The following ARID1B variants were observed in gnomAD, a reference collection of about 807,000 sequenced individuals.
ARID1B encodes AT-rich interactive domain-containing protein 1B.
Under a neutral mutation model 212.3 loss-of-function variants are expected in ARID1B, and 30 were observed. That is an observed-to-expected ratio of 0.14 (90% CI 0.11 to 0.19). The LOEUF (loss-of-function observed/expected upper bound fraction) is 0.19. Ranked by LOEUF, ARID1B falls within the 10% of genes least tolerant of loss-of-function variation. The probability of loss-of-function intolerance (pLI) is 1.00; values close to 1 mark genes in which losing one functional copy is unlikely to be tolerated. For missense variants in ARID1B, 2,891 were observed against 3,204.0 expected (o/e 0.90, Z 2.36); for synonymous variants, 1,402 against 1,301.7 (o/e 1.08, Z -1.66).
intron 4 of ARID1B, among the ~76,000 whole-genome samples, chr6:157,038,684 T>G (rs1361430199): frequency 2.0e-5 from 3 of 152,214 alleles, no homozygotes; most frequent in Non-Finnish European, 4.4e-5. Flanking sequence ...GAATTTTTCA[T>G]TTTTTATTTA....
intron 13 of ARID1B, among the ~76,000 whole-genome samples, chr6:157,186,851 A>C (rs967450006): frequency 2.6e-5 from 4 of 152,206 alleles, no homozygotes; most frequent in Non-Finnish European, 4.4e-5. Context: ...CTGTATTCTA[A>C]GAGCACTCTA....
intron 1 of ARID1B, among the ~76,000 whole-genome samples, chr6:156,813,289 A>G (rs1174574247): frequency 8.1e-6 from 1 of 122,908 alleles, no homozygotes; most frequent in African/African-American, 3.2e-5. Context: ...TTTTTTTTGT[A>G]TTTTAGTAGA....
chr6:157,002,788 T>G (rs1389237087), intron 4 of ARID1B, among the ~76,000 whole-genome samples: 1 of 152,214 alleles, frequency 6.6e-6, no homozygotes, highest in Non-Finnish European at 1.5e-5. Context: ...TGTTACTTTA[T>G]AATTTAGTGG....
intron 8 of ARID1B, chr6:157,166,345 T>TAGGTC (rs1040065496): frequency 1.3e-5 from 2 of 152,236 alleles, no homozygotes; most frequent in African/African-American, 2.4e-5. Flanking sequence ...GACCGCCTTG[T>TAGGTC]AGGTCTGCAC....
At chr6:156,920,861 C>CT (rs375978825) in intron 3 of ARID1B, among the ~76,000 whole-genome samples, 3,480 of 144,002 alleles carry the variant, frequency 0.024, 51 homozygotes, top group African/African-American at 0.035. Flanking sequence ...CTTTTCTTTT[C>CT]TTTTTTTTTT....
intron 5 of ARID1B, among the ~76,000 whole-genome samples, chr6:157,089,841 T>C (rs559775361): frequency 1.3e-5 from 2 of 152,312 alleles, no homozygotes; most frequent in Admixed American, 6.5e-5. Context: ...ATGTGTGATA[T>C]TAGACATGAT....
chr6:156,828,463 T>C (rs535489935), intron 1 of ARID1B, among the ~76,000 whole-genome samples: 1 of 152,332 alleles, frequency 6.6e-6, no homozygotes, highest in Admixed American at 6.5e-5. Flanking sequence ...CCTTTCTACC[T>C]ATTGCTTTGT....
At chr6:156,930,819 G>C (rs760664756) in intron 3 of ARID1B, among the ~76,000 whole-genome samples, 1 of 152,190 alleles carries the variant, frequency 6.6e-6, no homozygotes, top group Non-Finnish European at 1.5e-5. Flanking sequence ...TGCTCTAGTT[G>C]TATATAAAGG....
intron 6 of ARID1B, chr6:157,110,891 T>C: frequency 2.8e-6 from 1 of 358,562 alleles, no homozygotes; most frequent in East Asian, 5.4e-5. Context: ...TCAACTAGGG[T>C]ATCAGTCCCA....
At chr6:156,980,307 A>G (rs1777525137) in intron 4 of ARID1B, among the ~76,000 whole-genome samples, 1 of 151,934 alleles carries the variant, frequency 6.6e-6, no homozygotes, top group Non-Finnish European at 1.5e-5. Flanking sequence ...ACACAATGAA[A>G]CCCCATCTCT....
At chr6:157,137,322 G>T (rs1788997969) in intron 7 of ARID1B, among the ~76,000 whole-genome samples, 1 of 152,190 alleles carries the variant, frequency 6.6e-6, no homozygotes, top group South Asian at 2.1e-4. Flanking sequence ...TATATTTTAT[G>T]AAATAGCACT....
At chr6:157,169,093 T>C (rs982186882) in intron 9 of ARID1B, 4 of 141,268 alleles carry the variant, frequency 2.8e-5, no homozygotes, top group East Asian at 3.9e-4. Context: ...CCTGTGAGCG[T>C]TGGGATGCGT....
At chr6:156,866,926 A>ATT (rs1032611705) in intron 2 of ARID1B, among the ~76,000 whole-genome samples, 5 of 152,206 alleles carry the variant, frequency 3.3e-5, no homozygotes, top group Non-Finnish European at 5.9e-5. Flanking sequence ...TTTAAGTGTG[A>ATT]TTTAGTGCAT....
intron 4 of ARID1B, among the ~76,000 whole-genome samples, chr6:157,007,952 A>G (rs1216956399): frequency 6.6e-6 from 1 of 152,186 alleles, no homozygotes; most frequent in East Asian, 1.9e-4. Flanking sequence ...CTGGGATTGC[A>G]GGCGTGAGCC....
intron 4 of ARID1B, among the ~76,000 whole-genome samples, chr6:157,062,768 A>T (rs1046521951): frequency 6.7e-6 from 1 of 149,808 alleles, no homozygotes; most frequent in East Asian, 2.0e-4. Flanking sequence ...CAATGACGCG[A>T]TCTCAGCTCA....
At chr6:157,054,384 TTAAA>T (rs1782802042) in intron 4 of ARID1B, among the ~76,000 whole-genome samples, 1 of 152,246 alleles carries the variant, frequency 6.6e-6, no homozygotes, top group Non-Finnish European at 1.5e-5. Context: ...TACTGCCCAA[TTAAA>T]TATTTGGTTT....
At chr6:156,993,285 A>T (rs1583099483) in intron 4 of ARID1B, among the ~76,000 whole-genome samples, 1 of 152,158 alleles carries the variant, frequency 6.6e-6, no homozygotes, top group South Asian at 2.1e-4. Context: ...CAGGTGATCC[A>T]CCAGCCTCAG....
At chr6:156,796,023 C>T (rs1269308369) in intron 1 of ARID1B, among the ~76,000 whole-genome samples, 2 of 151,996 alleles carry the variant, frequency 1.3e-5, no homozygotes, top group Non-Finnish European at 2.9e-5. Context: ...GAAAGCTCGG[C>T]GCTGCTCTGC....
At chr6:157,007,752 CAG>C (rs34503865) in intron 4 of ARID1B, among the ~76,000 whole-genome samples, 39,713 of 141,414 alleles carry the variant, frequency 0.28, 5,704 homozygotes, top group Non-Finnish European at 0.32. Context: ...TTCCCCAAGA[CAG>C]AGTCTCACTC....
Sources: allele counts gnomAD v4.1 joint callset (sites outside exome capture counted in the v4.1 genomes callset), GRCh38; gene constraint gnomAD v4.1.1; transcripts MANE v1.5; gene names NCBI Gene and HGNC (gene_info 2026-07-23, HGNC 2026-07-21).